KCTD3: variants seen among roughly 807,000 people sequenced by gnomAD.
KCTD3 encodes BTB/POZ domain-containing protein KCTD3.
A neutral mutation model predicts 85.8 loss-of-function variants in KCTD3; 41 were observed. That is an observed-to-expected ratio of 0.48 (90% CI 0.37 to 0.62). The LOEUF (loss-of-function observed/expected upper bound fraction) is 0.62, where lower values mean the gene tolerates loss of function less well. Ranked by LOEUF, KCTD3 falls within the 20% of genes least tolerant of loss-of-function variation. The pLI is 0.00. For synonymous variants in KCTD3, 338 were observed against 345.4 expected, an observed-to-expected ratio of 0.98 and a Z score of 0.24; for missense variants, 724 against 989.9, an observed-to-expected ratio of 0.73 and a Z score of 3.60.
At chr1:215,617,692 G>T (rs1346603824) in intron 15 of KCTD3, among the ~76,000 whole-genome samples, 1 of 151,066 alleles carries the variant, frequency 6.6e-6, no homozygotes, top group Non-Finnish European at 1.5e-5. Flanking sequence ...TATCCTCCCT[G>T]TACCAGGACA....
At chr1:215,579,603 A>T (rs999234058) in intron 7 of KCTD3, among the ~76,000 whole-genome samples, 2 of 150,372 alleles carry the variant, frequency 1.3e-5, no homozygotes, top group African/African-American at 4.9e-5. Context: ...GGTTTACGCC[A>T]TTCTCCTGCC....
chr1:215,606,240 C>T (rs902725114), intron 13 of KCTD3, among the ~76,000 whole-genome samples: 2 of 152,104 alleles, frequency 1.3e-5, no homozygotes, highest in African/African-American at 2.4e-5. Flanking sequence ...ATTCTGGTGC[C>T]GTTTCAAAGC....
intron 7 of KCTD3, among the ~76,000 whole-genome samples, chr1:215,579,699 C>T (rs1466377522): frequency 1.3e-5 from 2 of 151,920 alleles, no homozygotes; most frequent in Admixed American, 6.6e-5. Flanking sequence ...GAGGTTTCAC[C>T]GTGTTAGCCA....
At chr1:215,599,003 A>G (rs572491952) in intron 10 of KCTD3, among the ~76,000 whole-genome samples, 1 of 152,362 alleles carries the variant, frequency 6.6e-6, no homozygotes, top group African/African-American at 2.4e-5. Flanking sequence ...AAGATAAATT[A>G]TGATAAAAAG....
At chr1:215,574,807 A>G (rs977406940) in intron 3 of KCTD3, among the ~76,000 whole-genome samples, 1 of 152,244 alleles carries the variant, frequency 6.6e-6, no homozygotes, top group Non-Finnish European at 1.5e-5. Flanking sequence ...GATTGTATAT[A>G]TATAGTTGAT....
intron 14 of KCTD3, among the ~76,000 whole-genome samples, chr1:215,610,300 C>T (rs1189984879): frequency 6.6e-6 from 1 of 151,700 alleles, no homozygotes; most frequent in African/African-American, 2.4e-5. Context: ...ATGATCTTAG[C>T]CAAAAGGCCA....
chr1:215,620,202 A>G lies in KCTD3; in HGVS notation c.2032A>G (p.Arg678Gly), dbSNP rs1306861552. ...GGACTTCCAGACTATTAATTTGAAC[A>G]GAAATGTAGAAAGAGCTGTCCCTGA... ...YRDFQTINLN[R>G]NVERAVPENG... The change falls in exon 18 of 18, where the codon AGA becomes GGA. Residue 678 changes from arginine (R) to glycine (G), a missense_variant. Coordinates refer to ENST00000259154, the MANE Select transcript of KCTD3 (RefSeq NM_016121.5). 6.2e-7 allele frequency: 1 copy of G among 1,613,934 alleles called. No individual in the cohort carries two copies. The highest frequency in any genetic ancestry group is 1.7e-5 in the Admixed American group (1 of 59,988).
chr1:215,573,938 T>C (rs1659468902), intron 2 of KCTD3, 99 bp downstream of exon 2: 2 of 998,986 alleles, frequency 2.0e-6, no homozygotes, highest in Non-Finnish European at 1.5e-6. Flanking sequence ...AAAGGTTAAC[T>C]CTTAAAATTA....
At chr1:215,619,810 A>G (rs539876558) in intron 17 of KCTD3, among the ~76,000 whole-genome samples, 4 of 152,224 alleles carry the variant, frequency 2.6e-5, no homozygotes, top group African/African-American at 9.6e-5. Context: ...TTTTCCTCCC[A>G]TCTTTTTTTT....
intron 9 of KCTD3, among the ~76,000 whole-genome samples, chr1:215,590,044 T>C (rs989602540): frequency 6.6e-6 from 1 of 152,222 alleles, no homozygotes; most frequent in Non-Finnish European, 1.5e-5. Context: ...TTTACATTTT[T>C]ACTTGCAGTG....
Position 215,618,875 on chromosome 1 carries a change from T to A in KCTD3, c.1563-11T>A, listed in dbSNP as rs1655557576. 1.3e-6 allele frequency: 2 copies of A among 1,568,054 alleles called. No individual in the cohort carries two copies. The highest frequency in any genetic ancestry group is 1.7e-6 in the Non-Finnish European group (2 of 1,165,950). On this transcript the variant is annotated splice_polypyrimidine_tract_variant and intron_variant, in intron 15 of 17. Transcript: ENST00000259154. ...ATTCCCATCAGGGCTCTTTCTGCTTTTCTTTTGCAGAATATGTGAGATCCA... is the reference window on the plus strand; with the variant it reads ...ATTCCCATCAGGGCTCTTTCTGCTTATCTTTTGCAGAATATGTGAGATCCA...
In KCTD3 at chr1:215,620,200, A is replaced by G. The variant is rs1295967758; in HGVS notation, c.2030A>G (p.Asn677Ser). Residue 677 changes from asparagine (N) to serine (S), a missense_variant, in exon 18 of 18, where the codon AAC (asparagine) becomes AGC (serine). Transcript: ENST00000259154. Reference protein sequence around the residue: ...SYRDFQTINLNRNVERAVPEN... With the variant: ...SYRDFQTINLSRNVERAVPEN... ...AGGGACTTCCAGACTATTAATTTGA[A>G]CAGAAATGTAGAAAGAGCTGTCCCT... is the stretch of plus-strand genomic sequence containing the variant. 2 of 1,613,920 alleles carry G rather than the reference A, an allele frequency of 1.2e-6. No individual in the cohort carries two copies. Among genetic ancestry groups the G allele is most frequent in the South Asian group, 2.2e-5 (2 of 91,078 alleles).
rs73085460 is a variant in KCTD3, at chr1:215,611,710, C to A, written c.1466-115C>A. ...TCTGATGTTGAGCTGAAATGTGATA[C>A]CATATTGGTACGTATAAGAAATTCT... On this transcript the variant is annotated intron_variant, in intron 14 of 17. Coordinates refer to ENST00000259154, the MANE Select transcript of KCTD3 (RefSeq NM_016121.5). 1.2e-3 allele frequency: 715 copies of A among 611,202 alleles called. 5 individuals carry two copies. The African/African-American group carries it at 0.012, about 11-fold the overall frequency. The allele number at this position is 611,202 out of a possible 1,614,324, so 37.9% of individuals were successfully genotyped here.
intron 10 of KCTD3, among the ~76,000 whole-genome samples, chr1:215,596,574 G>A (rs1368249401): frequency 2.0e-5 from 3 of 152,050 alleles, no homozygotes; most frequent in African/African-American, 7.2e-5. Flanking sequence ...ATTAATTTTG[G>A]CAGTAGATAT....
At chr1:215,588,059 T>C (rs1206771940) in intron 9 of KCTD3, among the ~76,000 whole-genome samples, 1 of 152,310 alleles carries the variant, frequency 6.6e-6, no homozygotes, top group East Asian at 1.9e-4. Context: ...ACTTGAAACG[T>C]TGAATTTTTA....
intron 8 of KCTD3, among the ~76,000 whole-genome samples, chr1:215,583,821 T>C (rs1659913523): frequency 6.6e-6 from 1 of 152,202 alleles, no homozygotes; most frequent in Non-Finnish European, 1.5e-5. Flanking sequence ...AGTTAGAAAC[T>C]GTCAGTATGG....
Position 215,579,150 on chromosome 1 carries a change from T to A in KCTD3, c.535+13T>A. 6.2e-7 allele frequency: 1 copy of A among 1,605,910 alleles called. No homozygotes were observed. The highest frequency in any genetic ancestry group is 1.1e-5 in the South Asian group (1 of 90,370). On this transcript the variant is annotated intron_variant, in intron 7 of 17. Coordinates refer to ENST00000259154, the MANE Select transcript of KCTD3 (RefSeq NM_016121.5). ...ACTGTTAGGCTAGGTAAGCAAAGAT[T>A]ACAGAAATAGAAAAAGAAAAATACG...
At chr1:215,580,602 T>C (rs1659779962) in intron 8 of KCTD3, among the ~76,000 whole-genome samples, 1 of 151,942 alleles carries the variant, frequency 6.6e-6, no homozygotes, top group African/African-American at 2.4e-5. Flanking sequence ...GTGATAGGAC[T>C]CTTAGTTCAA....
chr1:215,591,285 T>TC (rs1224535695), intron 9 of KCTD3, among the ~76,000 whole-genome samples: 9 of 140,358 alleles, frequency 6.4e-5, no homozygotes, highest in East Asian at 4.3e-4. Context: ...TCTCCTTCCT[T>TC]CTTTCCTTCC....
Sources: allele counts gnomAD v4.1 joint callset (sites outside exome capture counted in the v4.1 genomes callset), GRCh38; gene constraint gnomAD v4.1.1; transcripts MANE v1.5; gene names NCBI Gene and HGNC (gene_info 2026-07-23, HGNC 2026-07-21).